Variants in RYR3 observed in about 807,000 individuals in gnomAD.
The protein encoded by RYR3 is ryanodine receptor 3.
A neutral mutation model predicts 584.3 loss-of-function variants in RYR3; 207 were observed. That is an observed-to-expected ratio of 0.35 (90% confidence interval 0.32 to 0.40). RYR3 has a LOEUF of 0.40. Ranked by LOEUF, RYR3 falls within the 10% of genes least tolerant of loss-of-function variation. The probability of loss-of-function intolerance (pLI) is 1.00; values close to 1 mark genes in which losing one functional copy is unlikely to be tolerated. For synonymous variants in RYR3, 2,416 were observed against 2,248.5 expected (o/e 1.07, Z -2.11); for missense variants, 5,616 against 6,089.2 (o/e 0.92, Z 2.59).
intron 43 of RYR3, 200 bp from the exon 44 acceptor site, chr15:33,722,515 G>A (rs2068012646): frequency 5.2e-6 from 3 of 576,794 alleles, no homozygotes; most frequent in Admixed American, 3.5e-5. Flanking sequence ...GCAGTGAGTG[G>A]GGTTTATAAC....
intron 1 of RYR3, among the ~76,000 whole-genome samples, chr15:33,372,198 A>G (rs1370640622): frequency 6.6e-6 from 1 of 152,092 alleles, no homozygotes; most frequent in Admixed American, 6.5e-5. Context: ...TGCCTGGCTC[A>G]GAAAGCATTT....
At chr15:33,674,211 G>A (rs144190630) in intron 38 of RYR3, among the ~76,000 whole-genome samples, 196 of 152,292 alleles carry the variant, frequency 1.3e-3, no homozygotes, top group African/African-American at 4.4e-3. Flanking sequence ...ACATCTATAC[G>A]AAATAAGTCC....
chr15:33,641,334 T>G (rs1257722002), intron 27 of RYR3, among the ~76,000 whole-genome samples: 3 of 152,208 alleles, frequency 2.0e-5, no homozygotes, highest in Non-Finnish European at 2.9e-5. Context: ...TCCTCATCTG[T>G]AAAATTGGCA....
intron 31 of RYR3, among the ~76,000 whole-genome samples, chr15:33,650,167 A>G (rs905382132): frequency 2.0e-5 from 3 of 152,142 alleles, no homozygotes; most frequent in African/African-American, 7.2e-5. Context: ...TGACGAGTTC[A>G]AGAGATTGAG....
chr15:33,586,944 A>C (rs1045093376), intron 16 of RYR3, among the ~76,000 whole-genome samples: 1 of 152,128 alleles, frequency 6.6e-6, no homozygotes, highest in Non-Finnish European at 1.5e-5. Context: ...ATGATGGGAC[A>C]TGTGGGACTG....
chr15:33,603,052 A>T, intron 17 of RYR3, 71 bp from the exon 18 acceptor site: 2 of 1,555,038 alleles, frequency 1.3e-6, no homozygotes, highest in South Asian at 2.4e-5. Context: ...GTTGCCTCCT[A>T]TGGTCTGGTT....
intron 32 of RYR3, among the ~76,000 whole-genome samples, chr15:33,655,419 CA>C (rs1202314264): frequency 1.3e-5 from 2 of 151,798 alleles, no homozygotes; most frequent in South Asian, 2.1e-4. Flanking sequence ...TTTGGAAGTT[CA>C]AAAAAAATAA....
intron 64 of RYR3, among the ~76,000 whole-genome samples, chr15:33,779,728 C>T (rs967942053): frequency 8.5e-5 from 13 of 152,202 alleles, no homozygotes; most frequent in Non-Finnish European, 1.8e-4. Context: ...TCTGGCCGGG[C>T]GTGGTGGCTC....
chr15:33,570,864 G>A (rs1240189773), intron 12 of RYR3, among the ~76,000 whole-genome samples: 1 of 151,708 alleles, frequency 6.6e-6, no homozygotes, highest in African/African-American at 2.4e-5. Context: ...TTTCATTTCA[G>A]ATTATTTTCT....
chr15:33,804,535 A>T (rs886257858), intron 69 of RYR3, among the ~76,000 whole-genome samples: 1 of 152,162 alleles, frequency 6.6e-6, no homozygotes, highest in African/African-American at 2.4e-5. Context: ...AGCTCTACTA[A>T]GATGTTCTGG....
intron 1 of RYR3, among the ~76,000 whole-genome samples, chr15:33,383,894 A>G (rs1025978108): frequency 1.3e-5 from 2 of 152,234 alleles, no homozygotes; most frequent in Non-Finnish European, 2.9e-5. Context: ...GATAAAGAAA[A>G]TTGGGTACAT....
At chr15:33,341,199 C>T (rs1180898291) in intron 1 of RYR3, among the ~76,000 whole-genome samples, 1 of 152,088 alleles carries the variant, frequency 6.6e-6, no homozygotes, top group Non-Finnish European at 1.5e-5. Context: ...CCACTGCACC[C>T]AGCTAATTTT....
intron 1 of RYR3, among the ~76,000 whole-genome samples, chr15:33,324,519 G>A (rs748048422): frequency 6.6e-6 from 1 of 152,110 alleles, no homozygotes; most frequent in Non-Finnish European, 1.5e-5. Context: ...TTTCTTTACC[G>A]CCTACCTTTC....
chr15:33,714,782 T>C lies in RYR3; in HGVS notation c.6619+7728T>C, dbSNP rs1488856592. Among the ~76,000 whole-genome samples the C allele has an allele frequency of 2.6e-5, 4 of 152,282 alleles. No homozygotes were observed. The East Asian group carries it at 7.7e-4, about 29-fold the overall frequency. On this transcript the variant is annotated intron_variant, in intron 43 of 103. Coordinates refer to ENST00000634891, the MANE Select transcript of RYR3 (RefSeq NM_001036.6). ...TAACTTGGACATCCATCATGTGACATGTGAAGAGTCTATGAGGGGCTGTGA... is the reference window on the plus strand; with the variant it reads ...TAACTTGGACATCCATCATGTGACACGTGAAGAGTCTATGAGGGGCTGTGA...
Position 33,666,012 on chromosome 15 carries a change from G to T in RYR3, c.5619+2275G>T, listed in dbSNP as rs191803500. ...CAGATTGCTTGGTTTCACCCCTAGG[G>T]TTTCTTTTTTGTGACAGAGTCTCAC... On this transcript the variant is annotated intron_variant, in intron 36 of 103. Transcript: ENST00000634891. 1.1e-4 allele frequency among the ~76,000 whole-genome samples: 16 copies of T among 152,194 alleles called. 1 individual carries two copies. In the East Asian group the frequency reaches 2.1e-3, roughly 20 times the overall value.
intron 1 of RYR3, among the ~76,000 whole-genome samples, chr15:33,323,669 G>C (rs1969310839): frequency 6.6e-6 from 1 of 152,190 alleles, no homozygotes; most frequent in Admixed American, 6.5e-5. Context: ...GAAAACCTGT[G>C]GGTGTGCATG....
chr15:33,609,462 C>T (rs1321116648), intron 18 of RYR3, among the ~76,000 whole-genome samples: 5 of 152,144 alleles, frequency 3.3e-5, no homozygotes, highest in Admixed American at 3.3e-4. Context: ...TCAAGACCAG[C>T]CTAGCCAACG....
rs772120545 is a variant in RYR3 at position 33,785,786 on chromosome 15, C to T, written c.9393C>T (p.Ile3131=). Reference sequence around the variant, plus strand: ...GGTACACAGAGATGCCCCATGTCATCGAGGTGATCTTACCCATGCTCTGCA... The same window carrying T: ...GGTACACAGAGATGCCCCATGTCATTGAGGTGATCTTACCCATGCTCTGCA... ...GARYTEMPHV[I]EVILPMLCNY... is the part of the protein sequence containing the mutation. The change falls in exon 66 of 104, where the codon ATC becomes ATT. Residue 3131 remains isoleucine (I), a synonymous_variant. Transcript: ENST00000634891. The T allele has an allele frequency of 2.9e-5, 47 of 1,613,846 alleles. 1 individual carries two copies. The highest frequency in any genetic ancestry group is 1.3e-4 in the South Asian group (12 of 91,086).
chr15:33,667,406 A>C (rs142610160), intron 36 of RYR3, among the ~76,000 whole-genome samples: 1 of 152,154 alleles, frequency 6.6e-6, no homozygotes, highest in Non-Finnish European at 1.5e-5. Flanking sequence ...TTCTTTTCTT[A>C]TTTTAATATT....
Sources: gnomAD v4.1 joint callset for allele counts (sites outside exome capture counted in the v4.1 genomes callset) on GRCh38, gnomAD v4.1.1 for gene constraint, MANE v1.5 for transcripts, NCBI Gene and HGNC (gene_info 2026-07-23, HGNC 2026-07-21) for gene names.